NBEA: variants seen among roughly 807,000 people sequenced by gnomAD.
NBEA encodes lysosomal-trafficking regulator 2.
In NBEA, 44 loss-of-function variants were observed where a neutral mutation model predicts 343.4. That is an observed-to-expected ratio of 0.13 (90% CI 0.10 to 0.16). The LOEUF (loss-of-function observed/expected upper bound fraction) is 0.16. Ranked by LOEUF, NBEA falls within the 10% of genes least tolerant of loss-of-function variation. The pLI, the probability that NBEA is intolerant of heterozygous loss-of-function variation, is 1.00. For synonymous variants in NBEA, 1,175 were observed against 1,238.7 expected (o/e 0.95, Z 1.08); for missense variants, 2,555 against 3,631.3 (o/e 0.70, Z 7.62).
intron 48 of NBEA, among the ~76,000 whole-genome samples, chr13:35,611,304 AC>A (rs1310750362): frequency 1.3e-5 from 2 of 152,248 alleles, no homozygotes; most frequent in African/African-American, 4.8e-5. Flanking sequence ...AAAGGGATAA[AC>A]AAACTAAAAT....
Position 35,037,456 on chromosome 13 carries a change from A to G in NBEA, c.295-3477A>G, listed in dbSNP as rs190031605. On this transcript the variant is annotated intron_variant, in intron 1 of 58. Coordinates refer to ENST00000379939, the MANE Select transcript of NBEA (RefSeq NM_001385012.1). Reference sequence around the variant, plus strand: ...TGTTTTTCTGGATAGTGTTAATGCTAGTAGATGTTCCTCGGTGCCTGGGCA... The same window carrying G: ...TGTTTTTCTGGATAGTGTTAATGCTGGTAGATGTTCCTCGGTGCCTGGGCA... Among the ~76,000 whole-genome samples, 235 of 152,176 alleles carry G rather than the reference A, an allele frequency of 1.5e-3. 1 individual carries two copies. The highest frequency in any genetic ancestry group is 7.7e-4 in the East Asian group (4 of 5,162).
intron 10 of NBEA, among the ~76,000 whole-genome samples, chr13:35,093,981 A>G (rs2065208563): frequency 6.6e-6 from 1 of 151,826 alleles, no homozygotes; most frequent in South Asian, 2.1e-4. Context: ...ATATACTAAT[A>G]TATAGTAATA....
chr13:35,422,002 A>T (rs1346033441), intron 38 of NBEA, among the ~76,000 whole-genome samples: 1 of 151,386 alleles, frequency 6.6e-6, no homozygotes, highest in Admixed American at 6.6e-5. Context: ...CCATGGATTT[A>T]TCATGTTTAG....
At chr13:35,186,265 A>G (rs1397396492) in intron 30 of NBEA, 1 of 152,252 alleles carries the variant, frequency 6.6e-6, no homozygotes, top group African/African-American at 2.4e-5. Context: ...GATTGTGCCT[A>G]CTGCACTCCA....
At position 35,196,143 on chromosome 13, in the gene NBEA, G is replaced by A; in HGVS notation, c.5207G>A (p.Ser1736Asn). 2 of 1,613,676 alleles carry A rather than the reference G, an allele frequency of 1.2e-6. No homozygotes were observed. Among genetic ancestry groups the A allele is most frequent in the Non-Finnish European group, 1.7e-6 (2 of 1,179,740 alleles). ...CCTGCAACATCCATATCTAGCATTAGTCAAACCAAAGGCATCAATGTGAAG... is the reference window on the plus strand; with the variant it reads ...CCTGCAACATCCATATCTAGCATTAATCAAACCAAAGGCATCAATGTGAAG... ...LKPATSISSI[S>N]QTKGINVKEI... The change falls in exon 31 of 59, where the codon AGT (serine) becomes AAT (asparagine). Residue 1736 changes from serine (S) to asparagine (N), a missense_variant. Physicochemically the swap from Ser to Asn is conservative, Grantham distance 46. Coordinates refer to ENST00000379939, the MANE Select transcript of NBEA (RefSeq NM_001385012.1).
At chr13:34,946,963 A>T (rs1379582064) in intron 1 of NBEA, among the ~76,000 whole-genome samples, 1 of 151,702 alleles carries the variant, frequency 6.6e-6, no homozygotes, top group Non-Finnish European at 1.5e-5. Context: ...TTTTACAAAC[A>T]AGGTGTCTTC....
chr13:35,215,586 T>A (rs1446647292), intron 33 of NBEA, among the ~76,000 whole-genome samples: 1 of 151,746 alleles, frequency 6.6e-6, no homozygotes, highest in African/African-American at 2.4e-5. Context: ...AAGGGGATAA[T>A]TTTGTATTAG....
chr13:35,471,840 G>A (rs909643302), intron 40 of NBEA, among the ~76,000 whole-genome samples: 1 of 152,176 alleles, frequency 6.6e-6, no homozygotes, highest in Admixed American at 6.5e-5. Flanking sequence ...GTATGCACGC[G>A]TATGTATGTG....
Position 35,667,520 on chromosome 13 carries a change from A to G in NBEA, c.8611A>G (p.Ser2871Gly). 6.2e-7 allele frequency: 1 copy of G among 1,614,070 alleles called. No homozygotes were observed. Among genetic ancestry groups the G allele is most frequent in the Non-Finnish European group, 8.5e-7 (1 of 1,179,896 alleles). ...YYERGRFSNF[S>G]INGKLLAQME... ...TGAACGAGGGCGATTCAGTAATTTC[A>G]GCATTAATGGGAAACTTTTGGCTCA... The change falls in exon 57 of 59, where the codon AGC becomes GGC. Residue 2871 changes from serine to glycine, a missense_variant. Ser to Gly is a moderately conservative substitution (Grantham distance 56, BLOSUM62 0). This residue lies in a region of NBEA where 186 missense variants were observed against 328.9 expected (regional missense o/e 0.57). Transcript: ENST00000379939.
chr13:35,546,729 A>G (rs945877568), intron 41 of NBEA, among the ~76,000 whole-genome samples: 3 of 151,638 alleles, frequency 2.0e-5, no homozygotes, highest in Non-Finnish European at 4.4e-5. Context: ...ATTTTTTTGT[A>G]TTTTTAGCAG....
At chr13:35,076,856 C>G (rs898328265) in intron 10 of NBEA, among the ~76,000 whole-genome samples, 1 of 152,014 alleles carries the variant, frequency 6.6e-6, no homozygotes, top group African/African-American at 2.4e-5. Flanking sequence ...TTTCTTTTAA[C>G]TGTCTTACAT....
intron 48 of NBEA, among the ~76,000 whole-genome samples, chr13:35,613,591 A>G (rs763850935): frequency 1.3e-5 from 2 of 150,200 alleles, no homozygotes; most frequent in African/African-American, 4.9e-5. Flanking sequence ...TTATATGGTA[A>G]TTCTATTTTT....
rs562588000 is a variant in NBEA, at chr13:34,962,300, A to G, written c.294+19186A>G. ...TGTGTGTACATATGTGTCTATATATACACACACATAACCTTTATATTGTTC... is the reference window on the plus strand; with the variant it reads ...TGTGTGTACATATGTGTCTATATATGCACACACATAACCTTTATATTGTTC... On this transcript the variant is annotated intron_variant, in intron 1 of 58. Transcript: ENST00000379939. Among the ~76,000 whole-genome samples the G allele has an allele frequency of 3.3e-5, 5 of 152,142 alleles. No individual in the cohort carries two copies. In the East Asian group the frequency reaches 5.8e-4, roughly 18 times the overall value.
At chr13:35,615,436 TG>T (rs2082698842) in intron 48 of NBEA, among the ~76,000 whole-genome samples, 1 of 152,056 alleles carries the variant, frequency 6.6e-6, no homozygotes, top group South Asian at 2.1e-4. Context: ...CTCCGCCTCC[TG>T]GGTTCAAGTG....
chr13:35,125,740 A>C (rs1257852883), intron 17 of NBEA, among the ~76,000 whole-genome samples: 1 of 152,228 alleles, frequency 6.6e-6, no homozygotes, highest in Non-Finnish European at 1.5e-5. Flanking sequence ...TAACCAGTAC[A>C]TGAATAGCAC....
At chr13:35,543,605 G>C (rs533079580) in intron 41 of NBEA, among the ~76,000 whole-genome samples, 2 of 152,146 alleles carry the variant, frequency 1.3e-5, no homozygotes, top group African/African-American at 4.8e-5. Context: ...CCAATTTGAT[G>C]CTCCTACCCC....
intron 41 of NBEA, among the ~76,000 whole-genome samples, chr13:35,484,607 T>C (rs2076245938): frequency 6.6e-6 from 1 of 152,018 alleles, no homozygotes; most frequent in Non-Finnish European, 1.5e-5. Context: ...AAAATCTCTT[T>C]ATTTCATTTG....
intron 8 of NBEA, among the ~76,000 whole-genome samples, chr13:35,060,497 C>T (rs1328054113): frequency 6.6e-6 from 1 of 151,622 alleles, no homozygotes; most frequent in East Asian, 1.9e-4. Flanking sequence ...CAGTAGAGTA[C>T]CTAAAGTCAG....
chr13:35,239,809 C>G (rs1454321914), intron 34 of NBEA, among the ~76,000 whole-genome samples: 1 of 151,628 alleles, frequency 6.6e-6, no homozygotes, highest in Non-Finnish European at 1.5e-5. Flanking sequence ...ATATCATTTG[C>G]CAATGAAAGA....
Sources: allele counts gnomAD v4.1 joint callset (sites outside exome capture counted in the v4.1 genomes callset), GRCh38; gene constraint gnomAD v4.1.1; regional missense constraint gnomAD v4.1.1; transcripts MANE v1.5; gene names NCBI Gene and HGNC (gene_info 2026-07-23, HGNC 2026-07-21).